ANAPC1: variants seen among roughly 807,000 people sequenced by gnomAD.
The protein encoded by ANAPC1 is anaphase-promoting complex subunit 1.
Under a neutral mutation model 208.0 loss-of-function variants are expected in ANAPC1, and 36 were observed. The observed-to-expected ratio is 0.17, with a 90% CI of 0.13 to 0.23. The LOEUF is 0.23. ANAPC1 is among the 10% of genes least tolerant of loss of function. The probability of loss-of-function intolerance (pLI) is 1.00; values close to 1 mark genes in which losing one functional copy is unlikely to be tolerated. For synonymous variants in ANAPC1, 378 were observed against 695.2 expected, an observed-to-expected ratio of 0.54 and a Z score of 7.18; for missense variants, 942 against 2,011.6, an observed-to-expected ratio of 0.47 and a Z score of 10.17.
At position 111,858,410 on chromosome 2, in the gene ANAPC1, G is replaced by C; in HGVS notation, c.1263-9C>G. 1.9e-6 allele frequency: 3 copies of C among 1,599,746 alleles called. No individual in the cohort carries two copies. Among genetic ancestry groups the C allele is most frequent in the Non-Finnish European group, 2.6e-6 (3 of 1,168,610 alleles). ...CTTGTGAATTTTTCTCTCTATAATA[G>C]ATACATTAATAAAGTAACTGTCAGC... On this transcript the variant is annotated splice_polypyrimidine_tract_variant and intron_variant, in intron 10 of 47. Transcript: ENST00000341068.
intron 24 of ANAPC1, among the ~76,000 whole-genome samples, 167 bp downstream of exon 24, chr2:111,824,799 G>C (rs1573399586): frequency 6.6e-6 from 1 of 152,162 alleles, no homozygotes; most frequent in African/African-American, 2.4e-5. Context: ...ATTATTATAT[G>C]AAAGTTGTGA....
chr2:111,787,413 T>C (rs1036934035), intron 39 of ANAPC1, among the ~76,000 whole-genome samples: 41 of 150,738 alleles, frequency 2.7e-4, no homozygotes, highest in African/African-American at 1.0e-3. Flanking sequence ...AAAACAGCTA[T>C]CTTTCTTCTG....
At chr2:111,830,071 A>G (rs933176057) in intron 21 of ANAPC1, among the ~76,000 whole-genome samples, 2 of 144,980 alleles carry the variant, frequency 1.4e-5, no homozygotes, top group Non-Finnish European at 3.0e-5. Context: ...CTCTGTCTCA[A>G]AAATAAAAAT....
In ANAPC1 at chr2:111,769,679, C is replaced by CTTTTTTT. The variant is rs767767639; in HGVS notation, c.5720-280_5720-274dup. Among the ~76,000 whole-genome samples the CTTTTTTT allele has an allele frequency of 5.5e-4, 46 of 83,246 alleles. 7 individuals are homozygous for CTTTTTTT. Among genetic ancestry groups the CTTTTTTT allele is most frequent in the African/African-American group, 1.3e-3 (29 of 21,514 alleles). 54.6% of individuals were successfully genotyped at this position (83,246 alleles called of 152,430 possible). A position where few individuals can be genotyped will look rare whatever the true frequency, so the allele number is the denominator to read the frequency against. ...TATCTGCATTACACCTACTGGCTTT[C>CTTTTTTT]TTTTTTTTTTTTTTTTTTTGGAGAC... On this transcript the variant is annotated intron_variant, in intron 47 of 47. Coordinates refer to ENST00000341068, the MANE Select transcript of ANAPC1 (RefSeq NM_022662.4).
At chr2:111,856,420 G>A (rs143997448) in intron 13 of ANAPC1, 194 bp downstream of exon 13, 2 of 589,884 alleles carry the variant, frequency 3.4e-6, no homozygotes, top group South Asian at 2.1e-5. Context: ...TTTAACAGCA[G>A]TGAGCCATAG....
rs1380572925 is a variant in ANAPC1 at position 111,805,464 on chromosome 2, G to A, written c.3924+338C>T. Among the ~76,000 whole-genome samples, 2 of 64,234 alleles carry A rather than the reference G, an allele frequency of 3.1e-5. 1 individual carries two copies. The highest frequency in any genetic ancestry group is 1.3e-4 in the African/African-American group (2 of 15,136). The allele number at this position is 64,234 out of a possible 152,430, so 42.1% of individuals were successfully genotyped here. ...GCTACTATAGACTCTTAAGGCTCCCGATCATATACGTTTTCACTATTCTCT... is the reference window on the plus strand; with the variant it reads ...GCTACTATAGACTCTTAAGGCTCCCAATCATATACGTTTTCACTATTCTCT... On this transcript the variant is annotated intron_variant, in intron 30 of 47. Transcript: ENST00000341068.
At chr2:111,851,231 T>C (rs58736565) in intron 13 of ANAPC1, among the ~76,000 whole-genome samples, 5,094 of 152,072 alleles carry the variant, frequency 0.033, 183 homozygotes, top group African/African-American at 0.084. Flanking sequence ...GCCTCCTGAG[T>C]AGCTGGAACT....
intron 27 of ANAPC1, among the ~76,000 whole-genome samples, chr2:111,817,602 G>C (rs1215651403): frequency 5.3e-5 from 8 of 151,886 alleles, no homozygotes; most frequent in Non-Finnish European, 1.2e-4. Flanking sequence ...CTTTCACTTA[G>C]TCAATCTCAT....
At chr2:111,839,967 AAAT>A (rs1217490254) in intron 17 of ANAPC1, among the ~76,000 whole-genome samples, 1 of 149,612 alleles carries the variant, frequency 6.7e-6, no homozygotes, top group Non-Finnish European at 1.5e-5. Context: ...CACATTTATC[AAAT>A]ATTATTTATT....
At chr2:111,833,681 T>TTAAAAAAAAAAAAAA (rs1238945059) in intron 19 of ANAPC1, among the ~76,000 whole-genome samples, 7 of 85,994 alleles carry the variant, frequency 8.1e-5, no homozygotes, top group African/African-American at 3.4e-4. Context: ...ATAAAATATG[T>TTAAAAAAAAAAAAAA]AAAAAAAAAA....
In ANAPC1 at chr2:111,788,927, A is replaced by G. The variant is rs1333599755; in HGVS notation, c.4713-607T>C. ...GCCGAGGCGGGCGGATCACGAGGTC[A>G]GGAGATCGAGACCATCCTGGCTAAC... On this transcript the variant is annotated intron_variant, in intron 38 of 47. Transcript: ENST00000341068. Among the ~76,000 whole-genome samples the G allele has an allele frequency of 2.6e-5, 4 of 152,168 alleles. No individual in the cohort carries two copies. In the East Asian group the frequency reaches 5.8e-4, roughly 22 times the overall value.
At chr2:111,833,808 A>G (rs1007369446) in intron 19 of ANAPC1, among the ~76,000 whole-genome samples, 1 of 152,130 alleles carries the variant, frequency 6.6e-6, no homozygotes, top group Non-Finnish European at 1.5e-5. Flanking sequence ...ATCCTAAGAG[A>G]TATTTACCAT....
chr2:111,832,114 G>C (rs1412471868), intron 20 of ANAPC1, among the ~76,000 whole-genome samples: 2 of 149,364 alleles, frequency 1.3e-5, no homozygotes, highest in African/African-American at 2.5e-5. Flanking sequence ...CCAACATGGT[G>C]AAACCCCATC....
At chr2:111,873,771 T>G (rs1231035254) in intron 3 of ANAPC1, 107 bp from the exon 4 acceptor site, 4 of 1,223,080 alleles carry the variant, frequency 3.3e-6, no homozygotes, top group Non-Finnish European at 4.4e-6. Flanking sequence ...TAACTTTGCC[T>G]CCTCAGCTCA....
Position 111,838,562 on chromosome 2 carries a change from T to G in ANAPC1, c.2041-50A>C, listed in dbSNP as rs758045553. On this transcript the variant is annotated intron_variant, in intron 17 of 47. Coordinates refer to ENST00000341068, the MANE Select transcript of ANAPC1 (RefSeq NM_022662.4). ...GATAAAAATCGTAAATGCATTCCTG[T>G]CAACTGATCAACTTCAAGGATTCAG... The G allele has an allele frequency of 5.6e-6, 8 of 1,427,748 alleles. No homozygotes were observed. In the East Asian group the frequency reaches 1.7e-4, roughly 30 times the overall value. The allele number at this position is 1,427,748 out of a possible 1,614,324, so 88.4% of individuals were successfully genotyped here.
intron 38 of ANAPC1, 62 bp from the exon 39 acceptor site, chr2:111,788,382 T>C: frequency 1.3e-6 from 2 of 1,576,874 alleles, no homozygotes; most frequent in Non-Finnish European, 1.7e-6. Context: ...TTTCAAGGCA[T>C]TCTTGAGAAT....
chr2:111,823,978 T>C (rs186752858), intron 24 of ANAPC1, among the ~76,000 whole-genome samples: 2 of 130,450 alleles, frequency 1.5e-5, no homozygotes, highest in African/African-American at 2.5e-5. Context: ...TTTGTAAGTA[T>C]ACCATATTTC....
intron 44 of ANAPC1, 40 bp from the exon 45 acceptor site, chr2:111,778,810 C>T (rs768392858): frequency 1.2e-6 from 2 of 1,609,500 alleles, no homozygotes; most frequent in Non-Finnish European, 8.5e-7. Flanking sequence ...AAGTATATTC[C>T]AAAATCAATT....
At chr2:111,789,881 C>T (rs1677782328) in intron 38 of ANAPC1, among the ~76,000 whole-genome samples, 1 of 151,846 alleles carries the variant, frequency 6.6e-6, no homozygotes, top group Non-Finnish European at 1.5e-5. Flanking sequence ...CGGAGAGGCT[C>T]ATTTTGAAAG....
Sources: gnomAD v4.1 joint callset for allele counts (sites outside exome capture counted in the v4.1 genomes callset) on GRCh38, gnomAD v4.1.1 for gene constraint, MANE v1.5 for transcripts, NCBI Gene and HGNC (gene_info 2026-07-23, HGNC 2026-07-21) for gene names.